The following PBX1 variants were observed in gnomAD, a reference collection of about 807,000 sequenced individuals.
PBX1 encodes PBX homeobox 1.
Under a neutral mutation model 53.4 loss-of-function variants are expected in PBX1, and 6 were observed. That is an observed-to-expected ratio of 0.11 (90% CI 0.06 to 0.22). The LOEUF (loss-of-function observed/expected upper bound fraction) is 0.22. PBX1 is among the 10% of genes least tolerant of loss of function. The pLI is 1.00. For synonymous variants in PBX1, 204 were observed against 212.3 expected, an observed-to-expected ratio of 0.96 and a Z score of 0.34; for missense variants, 251 against 551.4, an observed-to-expected ratio of 0.46 and a Z score of 5.46.
At chr1:164,587,232 T>G (rs1655011541) in intron 2 of PBX1, among the ~76,000 whole-genome samples, 1 of 152,220 alleles carries the variant, frequency 6.6e-6, no homozygotes, top group Non-Finnish European at 1.5e-5. Flanking sequence ...GGGTGTGATT[T>G]TGGTAATCCT....
chr1:164,671,434 TTG>T (rs1661105330), intron 2 of PBX1, among the ~76,000 whole-genome samples: 1 of 152,128 alleles, frequency 6.6e-6, no homozygotes, highest in African/African-American at 2.4e-5. Context: ...TGGGCAAACT[TTG>T]TGTGTGAGTG....
At chr1:164,634,361 A>C (rs1349102521) in intron 2 of PBX1, among the ~76,000 whole-genome samples, 3 of 152,206 alleles carry the variant, frequency 2.0e-5, no homozygotes, top group Non-Finnish European at 2.9e-5. Flanking sequence ...GGATGGTTAT[A>C]ATAAAACACC....
intron 8 of PBX1, chr1:164,828,607 T>C (rs1670590534): frequency 6.6e-6 from 1 of 152,158 alleles, no homozygotes; most frequent in Non-Finnish European, 1.5e-5. Context: ...AGGATCTGGT[T>C]AGTTGTTCCA....
chr1:164,796,673 A>G (rs999296758), intron 3 of PBX1, among the ~76,000 whole-genome samples: 1 of 152,204 alleles, frequency 6.6e-6, no homozygotes, highest in Non-Finnish European at 1.5e-5. Context: ...GACTTTTGAA[A>G]GGCTTCCCTT....
chr1:164,658,853 G>T (rs12145649), intron 2 of PBX1, among the ~76,000 whole-genome samples: 10,735 of 152,266 alleles, frequency 0.071, 460 homozygotes, highest in Admixed American at 0.13. Flanking sequence ...TGAGGTAGAG[G>T]CTCTTATTAT....
intron 2 of PBX1, among the ~76,000 whole-genome samples, chr1:164,610,899 C>A (rs981478112): frequency 2.0e-5 from 3 of 152,226 alleles, no homozygotes; most frequent in African/African-American, 7.2e-5. Flanking sequence ...AATTCTGTCT[C>A]CAGTGAGGCT....
At chr1:164,701,660 G>A (rs532700235) in intron 2 of PBX1, among the ~76,000 whole-genome samples, 1 of 152,274 alleles carries the variant, frequency 6.6e-6, no homozygotes, top group East Asian at 1.9e-4. Flanking sequence ...GGTCTTAAAG[G>A]TGATAACTCA....
At chr1:164,878,131 G>A (rs2102462482) in intron 2 of PBX1, among the ~76,000 whole-genome samples, 1 of 152,286 alleles carries the variant, frequency 6.6e-6, no homozygotes, top group African/African-American at 2.4e-5. Flanking sequence ...TTTGGACTCA[G>A]TTTAGAGTTC....
rs1408115043 is a variant in PBX1, at chr1:164,849,389, C to T, written c.*2713C>T. 3 of 1,535,642 alleles carry T rather than the reference C, an allele frequency of 2.0e-6. No homozygotes were observed. The highest frequency in any genetic ancestry group is 2.6e-6 in the Non-Finnish European group (3 of 1,146,770). ...GCCCACTATCACTTCCGACTTCCAA[C>T]GTGGCATCCGTGAGATCTGTCCACA... On this transcript the variant is annotated 3_prime_UTR_variant, in exon 9 of 9. Transcript: ENST00000420696.
intron 2 of PBX1, among the ~76,000 whole-genome samples, chr1:164,687,366 G>A (rs570839007): frequency 1.3e-4 from 19 of 151,730 alleles, no homozygotes; most frequent in African/African-American, 2.7e-4. Flanking sequence ...GTTCAAGACC[G>A]GTCTGGGCAA....
chr1:164,682,282 A>G (rs1227266630), intron 2 of PBX1: 2 of 152,278 alleles, frequency 1.3e-5, no homozygotes, highest in Middle Eastern at 3.4e-3. Flanking sequence ...CTTCAGTTGG[A>G]TTTGGAATCA....
At chr1:164,751,433 A>G (rs7555601) in intron 2 of PBX1, among the ~76,000 whole-genome samples, 16,396 of 152,120 alleles carry the variant, frequency 0.11, 1,469 homozygotes, top group African/African-American at 0.24. Context: ...TGCAGAAACA[A>G]GAGAATCTGG....
chr1:164,801,632 C>G (rs186434369), intron 4 of PBX1, among the ~76,000 whole-genome samples: 5 of 152,278 alleles, frequency 3.3e-5, no homozygotes, highest in Admixed American at 2.6e-4. Flanking sequence ...ACGCAAGTTT[C>G]TTTCGCTTCC....
intron 2 of PBX1, among the ~76,000 whole-genome samples, chr1:164,633,880 A>G (rs1246854820): frequency 6.6e-6 from 1 of 152,330 alleles, no homozygotes; most frequent in East Asian, 1.9e-4. Flanking sequence ...GTTAAGCCTC[A>G]CAGTATATTT....
chr1:164,799,906 G>A lies in PBX1; in HGVS notation c.701+17G>A. On this transcript the variant is annotated intron_variant, in intron 4 of 8. Coordinates refer to ENST00000420696, the MANE Select transcript of PBX1 (RefSeq NM_002585.4). ...GGATGCGCGGTGAGTCTCCCATGGG[G>A]CTGTCCTGCCCTCTCTGGGAGTCCC... is the stretch of plus-strand genomic sequence containing the variant. 8.7e-6 allele frequency: 14 copies of A among 1,602,174 alleles called. No individual in the cohort carries two copies. Among genetic ancestry groups the A allele is most frequent in the Non-Finnish European group, 1.2e-5 (14 of 1,172,478 alleles).
intron 2 of PBX1, among the ~76,000 whole-genome samples, chr1:164,656,685 C>A (rs12026217): frequency 0.17 from 25,040 of 151,474 alleles, 2,152 homozygotes; most frequent in South Asian, 0.21. Flanking sequence ...AAAAAAAAAA[C>A]CTTCTTAATG....
intron 2 of PBX1, among the ~76,000 whole-genome samples, chr1:164,877,662 C>CAA (rs879590345): frequency 1.4e-5 from 2 of 138,970 alleles, no homozygotes. Context: ...GACCTTGTCT[C>CAA]AAAAAAAAAA....
intron 2 of PBX1, among the ~76,000 whole-genome samples, chr1:164,667,106 G>T (rs913706590): frequency 6.6e-6 from 1 of 152,122 alleles, no homozygotes; most frequent in African/African-American, 2.4e-5. Flanking sequence ...AAACTTCATT[G>T]CTCACCCTAC....
intron 1 of PBX1, among the ~76,000 whole-genome samples, chr1:164,560,814 G>A (rs1201843350): frequency 1.3e-5 from 2 of 152,026 alleles, no homozygotes; most frequent in Non-Finnish European, 2.9e-5. Context: ...AAGGGGTGGG[G>A]GGACAAAAAT....
Sources: allele counts gnomAD v4.1 joint callset (sites outside exome capture counted in the v4.1 genomes callset), GRCh38; gene constraint gnomAD v4.1.1; transcripts MANE v1.5; gene names NCBI Gene and HGNC (gene_info 2026-07-23, HGNC 2026-07-21).